The following ATP2B2 variants were observed in gnomAD, a reference collection of about 807,000 sequenced individuals.
The protein encoded by ATP2B2 is plasma membrane calcium-transporting ATPase 2.
Under a neutral mutation model 120.0 loss-of-function variants are expected in ATP2B2, and 15 were observed. That is an observed-to-expected ratio of 0.12 (90% confidence interval 0.08 to 0.19). ATP2B2 has a LOEUF of 0.19. Ranked by LOEUF, ATP2B2 falls within the 10% of genes least tolerant of loss-of-function variation. The probability of loss-of-function intolerance (pLI) is 1.00; values close to 1 mark genes in which losing one functional copy is unlikely to be tolerated. For synonymous variants in ATP2B2, 694 were observed against 700.3 expected, an observed-to-expected ratio of 0.99 and a Z score of 0.14; for missense variants, 1,045 against 1,719.8, an observed-to-expected ratio of 0.61 and a Z score of 6.94.
intron 2 of ATP2B2, among the ~76,000 whole-genome samples, chr3:10,569,141 C>A (rs1459513704): frequency 6.6e-6 from 1 of 152,080 alleles, no homozygotes; most frequent in Non-Finnish European, 1.5e-5. Flanking sequence ...CAGAGCCAAG[C>A]GTCAAGTCCT....
At chr3:10,629,116 C>T (rs1040200220) in intron 1 of ATP2B2, among the ~76,000 whole-genome samples, 16 of 152,106 alleles carry the variant, frequency 1.1e-4, no homozygotes, top group African/African-American at 3.6e-4. Context: ...CACCACGCTT[C>T]GGGGCCATTT....
At chr3:10,623,054 C>T (rs914920899) in intron 1 of ATP2B2, among the ~76,000 whole-genome samples, 14 of 106,600 alleles carry the variant, frequency 1.3e-4, no homozygotes, top group South Asian at 3.4e-4. Context: ...TTGGTCAGCT[C>T]TTTTTTTTTT....
intron 3 of ATP2B2, among the ~76,000 whole-genome samples, chr3:10,404,528 C>A (rs1312171298): frequency 2.0e-5 from 3 of 152,198 alleles, no homozygotes; most frequent in South Asian, 4.1e-4. Context: ...GGGTAAAACA[C>A]CCACTGCAGT....
chr3:10,500,201 G>A (rs564191596), intron 1 of ATP2B2, among the ~76,000 whole-genome samples: 1 of 151,912 alleles, frequency 6.6e-6, no homozygotes, highest in African/African-American at 2.4e-5. Flanking sequence ...GCGTCCCAAA[G>A]TGCTTGGATT....
At chr3:10,431,964 A>AAAATC (rs2063330136) in intron 2 of ATP2B2, among the ~76,000 whole-genome samples, 1 of 152,268 alleles carries the variant, frequency 6.6e-6, no homozygotes, top group Non-Finnish European at 1.5e-5. Flanking sequence ...ATGGTAGAAG[A>AAAATC]AAATCATCAC....
chr3:10,498,157 G>A (rs553011000), intron 1 of ATP2B2, among the ~76,000 whole-genome samples: 52 of 152,310 alleles, frequency 3.4e-4, no homozygotes, highest in African/African-American at 1.2e-3. Flanking sequence ...TTCAGTCTCC[G>A]ACACAACGGC....
intron 14 of ATP2B2, among the ~76,000 whole-genome samples, chr3:10,357,591 G>C (rs1373254676): frequency 6.6e-6 from 1 of 152,190 alleles, no homozygotes; most frequent in Non-Finnish European, 1.5e-5. Flanking sequence ...AACAGTGTCA[G>C]GGTAGGTCCA....
chr3:10,342,842 T>C lies in ATP2B2; in HGVS notation c.2827A>G (p.Asn943Asp), dbSNP rs2060318884. The change falls in exon 19 of 23, where the codon AAC becomes GAC. Residue 943 changes from asparagine (N) to aspartate (D), a missense_variant. Around this residue, in one of 11 missense-constraint regions of ATP2B2, gnomAD observed 98 missense variants for 266.7 expected, o/e 0.37. Coordinates refer to ENST00000360273, the MANE Select transcript of ATP2B2 (RefSeq NM_001001331.4). This position sits in a 1 kb window ranked among gnomAD's most constrained non-coding sequence, Gnocchi z 4.4. ...ATGGTCCTGGAGATGAGCGGCTTGT[T>C]GCGGCCGTACGGCTTCCTCAGCAGC... Reference protein sequence around the residue: ...TLLLRKPYGRNKPLISRTMMK... With the variant: ...TLLLRKPYGRDKPLISRTMMK... The C allele has an allele frequency of 6.2e-7, 1 of 1,613,724 alleles. No individual in the cohort carries two copies. The highest frequency in any genetic ancestry group is 1.3e-5 in the African/African-American group (1 of 74,802).
chr3:10,703,716 G>A (rs2071854330), intron 1 of ATP2B2, among the ~76,000 whole-genome samples: 1 of 152,202 alleles, frequency 6.6e-6, no homozygotes, highest in African/African-American at 2.4e-5. Context: ...TCTAGCTTCT[G>A]CATTTGATGC....
At chr3:10,599,911 A>G (rs1277132754) in intron 2 of ATP2B2, among the ~76,000 whole-genome samples, 1 of 152,210 alleles carries the variant, frequency 6.6e-6, no homozygotes, top group Non-Finnish European at 1.5e-5. Flanking sequence ...TGGATTCTGG[A>G]GGGCTTCTTT....
chr3:10,443,524 C>T (rs1462445106), intron 2 of ATP2B2, among the ~76,000 whole-genome samples: 1 of 151,974 alleles, frequency 6.6e-6, no homozygotes, highest in Non-Finnish European at 1.5e-5. Context: ...GCCGCATTGA[C>T]CGGGATGGGA....
At chr3:10,406,819 A>G (rs1394405352) in intron 3 of ATP2B2, among the ~76,000 whole-genome samples, 1 of 152,224 alleles carries the variant, frequency 6.6e-6, no homozygotes, top group African/African-American at 2.4e-5. Flanking sequence ...CCTGTCTTAC[A>G]GAGGGAGAAG....
chr3:10,488,231 A>ATCCATCCAT (rs2065778011), intron 1 of ATP2B2, among the ~76,000 whole-genome samples: 13 of 122,770 alleles, frequency 1.1e-4, no homozygotes, highest in Admixed American at 4.6e-4. Flanking sequence ...CCACTCATCC[A>ATCCATCCAT]CCTATCCATC....
intron 13 of ATP2B2, 53 bp from the exon 14 acceptor site, chr3:10,358,978 G>A: frequency 6.4e-7 from 1 of 1,565,494 alleles, no homozygotes; most frequent in Non-Finnish European, 8.7e-7. Flanking sequence ...CCTTCTGAAA[G>A]GCTTAGAGAC....
intron 1 of ATP2B2, among the ~76,000 whole-genome samples, chr3:10,656,625 T>G (rs982945679): frequency 1.3e-4 from 20 of 152,158 alleles, no homozygotes; most frequent in Non-Finnish European, 7.4e-5. Flanking sequence ...GCACTTGGGA[T>G]GAGGAGGTGA....
At chr3:10,694,212 T>G (rs2125715783) in intron 1 of ATP2B2, among the ~76,000 whole-genome samples, 1 of 152,336 alleles carries the variant, frequency 6.6e-6, no homozygotes, top group East Asian at 1.9e-4. Flanking sequence ...CATATGTAGC[T>G]CCATGCAATT....
At chr3:10,615,268 G>T (rs2069354356) in intron 2 of ATP2B2, among the ~76,000 whole-genome samples, 1 of 152,188 alleles carries the variant, frequency 6.6e-6, no homozygotes, top group Non-Finnish European at 1.5e-5. Flanking sequence ...GGTGATCAGG[G>T]ACAGGTGTAG....
chr3:10,630,248 A>ATTAT (rs1234035871), intron 1 of ATP2B2, among the ~76,000 whole-genome samples: 5 of 152,060 alleles, frequency 3.3e-5, no homozygotes, highest in African/African-American at 1.2e-4. Context: ...TGTTGTACAG[A>ATTAT]TTATTTCATC....
chr3:10,328,172 G>A lies in ATP2B2; in HGVS notation c.*642C>T, dbSNP rs1213490095. 1 of 151,342 alleles carries A rather than the reference G, an allele frequency of 6.6e-6. No individual in the cohort carries two copies. Among genetic ancestry groups the A allele is most frequent in the Non-Finnish European group, 1.5e-5 (1 of 67,858 alleles). 9.4% of individuals were successfully genotyped at this position (151,342 alleles called of 1,614,324 possible). A position where few individuals can be genotyped will look rare whatever the true frequency, so the allele number is the denominator to read the frequency against. On this transcript the variant is annotated 3_prime_UTR_variant, in exon 23 of 23. Transcript: ENST00000360273. ...ATCTATATGGACGTATACAGTCTCG[G>A]AAAAGTATACGTTGATATAGATACA...
Sources: gnomAD v4.1 joint callset for allele counts (sites outside exome capture counted in the v4.1 genomes callset) on GRCh38, gnomAD v4.1.1 for gene constraint, gnomAD v4.1.1 regional missense constraint, Gnocchi (gnomAD v3.1) non-coding constraint, MANE v1.5 for transcripts, NCBI Gene and HGNC (gene_info 2026-07-23, HGNC 2026-07-21) for gene names.